NCOR1: variants seen among roughly 807,000 people sequenced by gnomAD.
NCOR1 encodes nuclear receptor corepressor 1, also known as protein phosphatase 1, regulatory subunit 109.
NCOR1 carries 63 observed loss-of-function variants against 288.1 expected under a neutral mutation model. The ratio of observed to expected loss-of-function variants is 0.22; its 90% CI spans 0.18 to 0.27. The LOEUF (loss-of-function observed/expected upper bound fraction) is 0.27. Ranked by LOEUF, NCOR1 falls within the 10% of genes least tolerant of loss-of-function variation. The probability of loss-of-function intolerance (pLI) is 1.00; values close to 1 mark genes in which losing one functional copy is unlikely to be tolerated. For synonymous variants in NCOR1, 1,007 were observed against 1,065.9 expected (o/e 0.94, Z 1.08); for missense variants, 2,397 against 3,019.2 (o/e 0.79, Z 4.83).
At chr17:16,083,682 G>A (rs903790629) in intron 23 of NCOR1, among the ~76,000 whole-genome samples, 9 of 151,178 alleles carry the variant, frequency 6.0e-5, no homozygotes, top group Admixed American at 2.0e-4. Flanking sequence ...CCCTATGCTC[G>A]CCTTCTGGGG....
intron 28 of NCOR1, 26 bp from the exon 29 acceptor site, chr17:16,072,254 T>C (rs367874141): frequency 1.9e-6 from 3 of 1,550,148 alleles, no homozygotes; most frequent in East Asian, 2.2e-5. Flanking sequence ...AGCAATTCAA[T>C]TATTCAACAT....
rs1156621444 is a variant in NCOR1 at position 16,039,522 on chromosome 17, G to A, written c.6866C>T (p.Pro2289Leu). 1 of 1,613,894 alleles carries A rather than the reference G, an allele frequency of 6.2e-7. No individual in the cohort carries two copies. Among genetic ancestry groups the A allele is most frequent in the East Asian group, 2.2e-5 (1 of 44,882 alleles). ...VEDHGVVMSQ[P>L]MGVVPGTANT... ...GGCAGTACCAGGCACTACTCCCATA[G>A]GCTGGGACATGACAACTCCATGATC... The change falls in exon 44 of 46, where the codon CCT becomes CTT. Residue 2289 changes from proline to leucine, a missense_variant. Around this residue, in one of 11 missense-constraint regions of NCOR1, gnomAD observed 1,872 missense variants for 2,187.8 expected, o/e 0.86. Transcript: ENST00000268712.
intron 44 of NCOR1, chr17:16,039,180 T>C (rs996302479): frequency 2.5e-5 from 12 of 488,168 alleles, no homozygotes; most frequent in Non-Finnish European, 3.3e-5. Flanking sequence ...GAGGACTAGG[T>C]GCAAACAAAT....
At chr17:16,211,186 G>A (rs1188135083) in intron 1 of NCOR1, among the ~76,000 whole-genome samples, 1 of 152,066 alleles carries the variant, frequency 6.6e-6, no homozygotes, top group African/African-American at 2.4e-5. Flanking sequence ...GACCTTCAGT[G>A]TTATCGAAAG....
chr17:16,111,618 T>C (rs886988072), intron 18 of NCOR1, among the ~76,000 whole-genome samples: 1 of 149,766 alleles, frequency 6.7e-6, no homozygotes, highest in Non-Finnish European at 1.5e-5. Context: ...TAAAATTAAA[T>C]AAAAATTAAA....
intron 5 of NCOR1, among the ~76,000 whole-genome samples, chr17:16,164,120 A>G (rs1464070154): frequency 1.3e-5 from 2 of 152,130 alleles, no homozygotes; most frequent in Non-Finnish European, 2.9e-5. Context: ...AAGTGCCTAT[A>G]GTCCCAGCTA....
At chr17:16,180,723 G>T (rs940055990) in intron 3 of NCOR1, among the ~76,000 whole-genome samples, 2 of 152,076 alleles carry the variant, frequency 1.3e-5, no homozygotes, top group African/African-American at 4.8e-5. Context: ...ACTCCAGCCT[G>T]AGTGGCAGAG....
intron 2 of NCOR1, among the ~76,000 whole-genome samples, chr17:16,188,623 T>A (rs1207283441): frequency 2.7e-5 from 4 of 149,884 alleles, no homozygotes; most frequent in African/African-American, 4.9e-5. Context: ...AAAAAAAAAA[T>A]TTTTTTTTCA....
intron 42 of NCOR1, 26 bp from the exon 43 acceptor site, chr17:16,040,520 A>C (rs2152015331): frequency 6.2e-7 from 1 of 1,603,448 alleles, no homozygotes; most frequent in East Asian, 2.2e-5. Context: ...CATTCAAGTT[A>C]ATTAAGATGT....
chr17:16,156,244 T>C (rs549602850), intron 6 of NCOR1, among the ~76,000 whole-genome samples: 1 of 152,230 alleles, frequency 6.6e-6, no homozygotes, highest in South Asian at 2.1e-4. Context: ...AAGACCAGCC[T>C]GGCCAACACG....
rs2085508481 is a variant in NCOR1 at position 16,181,639 on chromosome 17, T to C, written c.242+4915A>G. Among the ~76,000 whole-genome samples the C allele has an allele frequency of 2.0e-5, 3 of 151,264 alleles. No homozygotes were observed. In the South Asian group the frequency reaches 6.3e-4, roughly 32 times the overall value. On this transcript the variant is annotated intron_variant, in intron 3 of 45. Transcript: ENST00000268712. ...AAAACAAAGTATGTGAGATGACAGA[T>C]ATGTTCACTGGCTAAACTATGTGTA...
intron 1 of NCOR1, among the ~76,000 whole-genome samples, chr17:16,205,002 C>T (rs1260537087): frequency 2.0e-5 from 3 of 152,180 alleles, no homozygotes; most frequent in Admixed American, 6.5e-5. Context: ...GGGTGGATCA[C>T]CTGAAGTCGG....
intron 40 of NCOR1, chr17:16,056,854 A>G (rs1054625934): frequency 5.9e-5 from 9 of 151,756 alleles, no homozygotes; most frequent in East Asian, 1.9e-4. Context: ...TAAAATATAT[A>G]TGTGTGTGTG....
intron 18 of NCOR1, 126 bp from the exon 19 acceptor site, chr17:16,109,038 T>A (rs1000011767): frequency 6.3e-5 from 48 of 759,520 alleles, no homozygotes; most frequent in Non-Finnish European, 8.1e-5. Context: ...TGTTTGACAA[T>A]AGTTCTGGTT....
chr17:16,032,600 G>T, intron 45 of NCOR1, 117 bp from the exon 46 acceptor site: 2 of 970,674 alleles, frequency 2.1e-6, no homozygotes, highest in Non-Finnish European at 2.9e-6. Flanking sequence ...GTGACACCAT[G>T]AAAGCAAAAT....
intron 2 of NCOR1, among the ~76,000 whole-genome samples, chr17:16,190,393 G>A (rs1038199656): frequency 1.3e-5 from 2 of 151,644 alleles, no homozygotes; most frequent in South Asian, 2.1e-4. Context: ...GGAGTGCAGC[G>A]GCACGATCTA....
At chr17:16,066,360 A>T (rs1262159671) in intron 32 of NCOR1, among the ~76,000 whole-genome samples, 1 of 152,208 alleles carries the variant, frequency 6.6e-6, no homozygotes, top group African/African-American at 2.4e-5. Flanking sequence ...AAAAAGCTGT[A>T]GTTTTTAGCA....
In NCOR1 at chr17:16,127,651, GTA is replaced by G. The variant is rs569048511; in HGVS notation, c.1510-1447_1510-1446del. ...TACATATATGTATATATGTGTATGT[GTA>G]TATATACATATATGTATATATGTGT... On this transcript the variant is annotated intron_variant, in intron 14 of 45. Coordinates refer to ENST00000268712, the MANE Select transcript of NCOR1 (RefSeq NM_006311.4). Among the ~76,000 whole-genome samples, 19 of 142,192 alleles carry G rather than the reference GTA, an allele frequency of 1.3e-4. No individual in the cohort carries two copies. The East Asian group carries it at 1.4e-3, about 11-fold the overall frequency. The allele number at this position is 142,192 out of a possible 152,430, so 93.3% of individuals were successfully genotyped here. A position where few individuals can be genotyped will look rare whatever the true frequency, so the allele number is the denominator to read the frequency against.
chr17:16,038,118 G>A (rs918031370), intron 44 of NCOR1, among the ~76,000 whole-genome samples: 3 of 152,070 alleles, frequency 2.0e-5, no homozygotes, highest in Middle Eastern at 3.4e-3. Flanking sequence ...CTTAACCATA[G>A]TGAGATAGAT....
Sources: allele counts gnomAD v4.1 joint callset (sites outside exome capture counted in the v4.1 genomes callset), GRCh38; gene constraint gnomAD v4.1.1; regional missense constraint gnomAD v4.1.1; transcripts MANE v1.5; gene names NCBI Gene and HGNC (gene_info 2026-07-23, HGNC 2026-07-21).